The following C5AR1 variants were observed in gnomAD, a reference collection of about 807,000 sequenced individuals.
C5AR1 encodes complement C5a receptor 1.
C5AR1 carries 4 observed loss-of-function variants against 2.4 expected under a neutral mutation model. The observed-to-expected ratio is 1.65, with a 90% CI of 0.81 to 3.77. C5AR1 has a LOEUF of 3.77. C5AR1 is among the 30% of genes most tolerant of loss of function. C5AR1 has a pLI of 0.01. For synonymous variants in C5AR1, 209 were observed against 210.4 expected (o/e 0.99, Z 0.06); for missense variants, 418 against 462.5 (o/e 0.90, Z 0.88).
chr19:47,320,876 C>A lies in C5AR1; in HGVS notation c.*46C>A. On this transcript the variant is annotated 3_prime_UTR_variant, in exon 2 of 2. Coordinates refer to ENST00000355085, the MANE Select transcript of C5AR1 (RefSeq NM_001736.4). This position sits in a 1 kb window ranked among gnomAD's most constrained non-coding sequence, Gnocchi z 4.9. ...TGTGGCCCGATGTCCCCTTCCTTCC[C>A]GGCCATTCTCCCTCTTGTTTTCACT... 1.3e-6 allele frequency: 2 copies of A among 1,509,256 alleles called. No homozygotes were observed. The highest frequency in any genetic ancestry group is 2.3e-5 in the East Asian group (1 of 43,884). 93.5% of individuals were successfully genotyped at this position (1,509,256 alleles called of 1,614,324 possible). A position where few individuals can be genotyped will look rare whatever the true frequency, so the allele number is the denominator to read the frequency against.
intron 1 of C5AR1, among the ~76,000 whole-genome samples, chr19:47,311,147 C>G (rs1425430802): frequency 4.6e-5 from 7 of 152,066 alleles, no homozygotes; most frequent in Non-Finnish European, 8.8e-5. Context: ...AAACGGGACT[C>G]TCTGATTCTT....
Position 47,319,879 on chromosome 19 carries a change from T to A in C5AR1, c.102T>A (p.Arg34=), listed in dbSNP as rs1222638700. The A allele has an allele frequency of 6.2e-7, 1 of 1,614,182 alleles. No homozygotes were observed. Among genetic ancestry groups the A allele is most frequent in the South Asian group, 1.1e-5 (1 of 91,086 alleles). The part of the protein sequence containing the change: ...TPVDKTSNTL[R]VPDILALVIF... Reference sequence around the variant, plus strand: ...TGGATAAAACTTCTAACACGCTGCGTGTTCCAGACATCCTGGCCTTGGTCA... The same window carrying A: ...TGGATAAAACTTCTAACACGCTGCGAGTTCCAGACATCCTGGCCTTGGTCA... The change falls in exon 2 of 2, where the codon CGT becomes CGA. Residue 34 remains arginine (R), a synonymous_variant. Transcript: ENST00000355085.
At chr19:47,314,669 A>G (rs2059280361) in intron 1 of C5AR1, among the ~76,000 whole-genome samples, 1 of 151,036 alleles carries the variant, frequency 6.6e-6, no homozygotes, top group South Asian at 2.1e-4. Context: ...AATTGCTGGA[A>G]TTACAGGCGT....
chr19:47,313,258 G>A (rs2059276344), intron 1 of C5AR1, among the ~76,000 whole-genome samples: 1 of 152,194 alleles, frequency 6.6e-6, no homozygotes, highest in Admixed American at 6.5e-5. Flanking sequence ...TTATAGGCGT[G>A]AGCCACCGCG....
intron 1 of C5AR1, among the ~76,000 whole-genome samples, chr19:47,318,520 C>T (rs1261269569): frequency 1.3e-5 from 2 of 152,086 alleles, no homozygotes; most frequent in African/African-American, 4.8e-5. Context: ...TCTCGAACCC[C>T]TGACCTCAGG....
rs763699139 is a variant in C5AR1 at position 47,320,012 on chromosome 19, G to A, written c.235G>A (p.Ala79Thr). 59 of 1,614,212 alleles carry A rather than the reference G, an allele frequency of 3.7e-5. No homozygotes were observed. The highest frequency in any genetic ancestry group is 4.7e-5 in the Non-Finnish European group (55 of 1,180,040). The change falls in exon 2 of 2, where the codon GCG becomes ACG. Residue 79 changes from alanine (A) to threonine (T), a missense_variant. Coordinates refer to ENST00000355085, the MANE Select transcript of C5AR1 (RefSeq NM_001736.4). This position sits in a 1 kb window ranked among gnomAD's most constrained non-coding sequence, Gnocchi z 4.9. Reference sequence around the variant, plus strand: ...CAATGCCATCTGGTTCCTCAACTTGGCGGTAGCCGACTTCCTCTCCTGCCT... The same window carrying A: ...CAATGCCATCTGGTTCCTCAACTTGACGGTAGCCGACTTCCTCTCCTGCCT... Reference protein sequence around the residue: ...TINAIWFLNLAVADFLSCLAL... With the variant: ...TINAIWFLNLTVADFLSCLAL...
chr19:47,318,358 A>G (rs1055738542), intron 1 of C5AR1, among the ~76,000 whole-genome samples: 3 of 147,554 alleles, frequency 2.0e-5, no homozygotes, highest in African/African-American at 5.0e-5. Context: ...CAGTGTCGCT[A>G]TCTCAGCTCA....
intron 1 of C5AR1, among the ~76,000 whole-genome samples, chr19:47,311,515 GA>G (rs199728588): frequency 0.014 from 2,028 of 146,314 alleles, 40 homozygotes; most frequent in African/African-American, 0.041. Context: ...AACAAACATA[GA>G]AAAAAAAAAA....
In C5AR1 at chr19:47,320,822, G is replaced by A. The variant is rs749565457; in HGVS notation, c.1045G>A (p.Ala349Thr). The A allele has an allele frequency of 1.1e-5, 17 of 1,608,290 alleles. No homozygotes were observed. Among genetic ancestry groups the A allele is most frequent in the Non-Finnish European group, 1.4e-5 (17 of 1,175,734 alleles). Residue 349 changes from alanine to threonine, a missense_variant, in exon 2 of 2, where the codon GCA (alanine) becomes ACA (threonine). Transcript: ENST00000355085. The surrounding 1 kb of genome is among the most constrained non-coding windows in gnomAD (Gnocchi z 4.9). ...TVDTMAQKTQ[A>T]V ...GGACACTATGGCCCAGAAGACCCAGGCAGTGTAGGCGACAGCCTCATGGGC... is the reference window on the plus strand; with the variant it reads ...GGACACTATGGCCCAGAAGACCCAGACAGTGTAGGCGACAGCCTCATGGGC...
rs571396052 is a variant in C5AR1 at position 47,318,190 on chromosome 19, A to T, written c.4-1591A>T. Among the ~76,000 whole-genome samples, 16 of 152,232 alleles carry T rather than the reference A, an allele frequency of 1.1e-4. No individual in the cohort carries two copies. The South Asian group carries it at 3.3e-3, about 32-fold the overall frequency. The stretch of plus-strand genomic sequence containing the variant: ...GTCAGGGGCAGCCTGTCTGGTTTGC[A>T]TTCCAGCCCGTATGGGTTCACATCC... On this transcript the variant is annotated intron_variant, in intron 1 of 1. Transcript: ENST00000355085.
In C5AR1 at chr19:47,310,229, G is replaced by A. The variant is rs540851103; in HGVS notation, c.3+331G>A. On this transcript the variant is annotated intron_variant, in intron 1 of 1. Transcript: ENST00000355085. ...GTGACTAAGAATTCCACAAGCAGCC[G>A]AGCGCAGTGGGTCACACCTGTGATC... 3.3e-5 allele frequency among the ~76,000 whole-genome samples: 5 copies of A among 152,280 alleles called. No homozygotes were observed. The East Asian group carries it at 5.8e-4, about 18-fold the overall frequency.
At chr19:47,319,377 C>T (rs1429061115) in intron 1 of C5AR1, among the ~76,000 whole-genome samples, 2 of 134,130 alleles carry the variant, frequency 1.5e-5, no homozygotes, top group Admixed American at 8.8e-5. Flanking sequence ...GGTATGATCT[C>T]GGCTCACTCT....
rs201019134 is a variant in C5AR1, at chr19:47,309,884, G to A, written c.-12G>A. ...GGACCTTCGATCCTCGGGGAGCCCAGGAGACCAGAACATGGTGAGTCTCGA... is the reference window on the plus strand; with the variant it reads ...GGACCTTCGATCCTCGGGGAGCCCAAGAGACCAGAACATGGTGAGTCTCGA... On this transcript the variant is annotated 5_prime_UTR_variant, in exon 1 of 2. Transcript: ENST00000355085. The A allele has an allele frequency of 6.8e-6, 11 of 1,612,756 alleles. No homozygotes were observed. Among genetic ancestry groups the A allele is most frequent in the Non-Finnish European group, 9.3e-6 (11 of 1,179,366 alleles).
chr19:47,317,779 G>A (rs1393802272), intron 1 of C5AR1, among the ~76,000 whole-genome samples: 1 of 151,768 alleles, frequency 6.6e-6, no homozygotes, highest in African/African-American at 2.4e-5. Flanking sequence ...TCAGGAGTTC[G>A]AGACCAGCCT....
chr19:47,309,297 G>A (rs1268645998), upstream of C5AR1, among the ~76,000 whole-genome samples: 4 of 152,090 alleles, frequency 2.6e-5, no homozygotes, highest in South Asian at 2.1e-4. Context: ...GCTCCAGGCC[G>A]GGCGCAGTGG....
upstream of C5AR1, among the ~76,000 whole-genome samples, chr19:47,309,314 C>T (rs575717717): frequency 6.6e-6 from 1 of 152,262 alleles, no homozygotes; most frequent in South Asian, 2.1e-4. Context: ...GTGGCTCACA[C>T]TTGTAATTCT....
Position 47,320,543 on chromosome 19 carries a change from T to G in C5AR1, c.766T>G (p.Leu256Val), listed in dbSNP as rs757953819. Residue 256 changes from leucine (L) to valine (V), a missense_variant, in exon 2 of 2, where the codon TTG becomes GTG. By Grantham distance (32) the Leu-to-Val change is conservative (BLOSUM62 1). Coordinates refer to ENST00000355085, the MANE Select transcript of C5AR1 (RefSeq NM_001736.4). This position sits in a 1 kb window ranked among gnomAD's most constrained non-coding sequence, Gnocchi z 4.9. ...AVVASFFIFW[L>V]PYQVTGIMMS... ...GGTGGCCAGTTTCTTTATCTTCTGGTTGCCCTACCAGGTGACGGGGATAAT... is the reference window on the plus strand; with the variant it reads ...GGTGGCCAGTTTCTTTATCTTCTGGGTGCCCTACCAGGTGACGGGGATAAT... The G allele has an allele frequency of 1.2e-6, 2 of 1,613,924 alleles. No homozygotes were observed. Among genetic ancestry groups the G allele is most frequent in the South Asian group, 2.2e-5 (2 of 91,062 alleles).
At chr19:47,309,385 C>T (rs748117511), upstream of C5AR1, among the ~76,000 whole-genome samples, 44 of 151,858 alleles carry the variant, frequency 2.9e-4, no homozygotes, top group Non-Finnish European at 5.9e-4. Flanking sequence ...TCCAGCCTGG[C>T]CAACATGGCG....
At chr19:47,311,254 G>A (rs2059269464) in intron 1 of C5AR1, among the ~76,000 whole-genome samples, 1 of 151,954 alleles carries the variant, frequency 6.6e-6, no homozygotes, top group South Asian at 2.1e-4. Context: ...GCTCATGCGT[G>A]TAATCCCAGC....
Sources: gnomAD v4.1 joint callset for allele counts (sites outside exome capture counted in the v4.1 genomes callset) on GRCh38, gnomAD v4.1.1 for gene constraint, Gnocchi (gnomAD v3.1) non-coding constraint, MANE v1.5 for transcripts, NCBI Gene and HGNC (gene_info 2026-07-23, HGNC 2026-07-21) for gene names.